Variants in RNF150 observed in about 807,000 individuals in gnomAD.
The protein encoded by RNF150 is ring finger protein 150.
Under a neutral mutation model 39.3 loss-of-function variants are expected in RNF150, and 24 were observed. That is an observed-to-expected ratio of 0.61 (90% CI 0.44 to 0.86). The LOEUF (loss-of-function observed/expected upper bound fraction) is 0.86, where lower values mean the gene tolerates loss of function less well. Among genes scored for constraint, RNF150 ranks in the 40% least tolerant of loss-of-function variants. The pLI, the probability that RNF150 is intolerant of heterozygous loss-of-function variation, is 0.00. For synonymous variants in RNF150, 255 were observed against 227.3 expected, an observed-to-expected ratio of 1.12 and a Z score of -1.10; for missense variants, 502 against 587.8, an observed-to-expected ratio of 0.85 and a Z score of 1.51.
chr4:141,027,734 A>G (rs1578646648), intron 1 of RNF150, among the ~76,000 whole-genome samples: 1 of 152,114 alleles, frequency 6.6e-6, no homozygotes, highest in Non-Finnish European at 1.5e-5. Flanking sequence ...GGGGAGGCCT[A>G]TATAAGACTT....
At chr4:141,189,299 G>T (rs1414183489) in intron 1 of RNF150, among the ~76,000 whole-genome samples, 1 of 152,186 alleles carries the variant, frequency 6.6e-6, no homozygotes, top group Non-Finnish European at 1.5e-5. Flanking sequence ...CCCTCCAGAA[G>T]CCAGCTGGAG....
intron 5 of RNF150, among the ~76,000 whole-genome samples, chr4:140,913,811 C>T (rs1730709782): frequency 6.6e-6 from 1 of 152,170 alleles, no homozygotes; most frequent in Non-Finnish European, 1.5e-5. Context: ...ATCTGAGTCT[C>T]AGATTTCTGC....
chr4:140,916,247 G>A (rs1330985893), intron 5 of RNF150, among the ~76,000 whole-genome samples: 8 of 152,228 alleles, frequency 5.3e-5, no homozygotes, highest in South Asian at 2.1e-4. Flanking sequence ...AAACTACTCT[G>A]AGCTAAAGAA....
At chr4:141,139,807 A>G (rs931480641) in intron 1 of RNF150, among the ~76,000 whole-genome samples, 1 of 152,232 alleles carries the variant, frequency 6.6e-6, no homozygotes, top group African/African-American at 2.4e-5. Flanking sequence ...GGTAGCAAGT[A>G]TAAGAGTGGG....
intron 1 of RNF150, among the ~76,000 whole-genome samples, chr4:140,998,102 GA>G (rs1734449973): frequency 1.3e-5 from 2 of 152,126 alleles, no homozygotes; most frequent in African/African-American, 4.8e-5. Context: ...TCCTTTAACT[GA>G]AATTGCTTCA....
At chr4:141,068,037 C>T (rs1737531830) in intron 1 of RNF150, among the ~76,000 whole-genome samples, 2 of 151,948 alleles carry the variant, frequency 1.3e-5, no homozygotes, top group South Asian at 4.2e-4. Context: ...CCTCTGCCTC[C>T]CAGGTTCAAG....
intron 1 of RNF150, among the ~76,000 whole-genome samples, chr4:141,088,416 G>A (rs11932194): frequency 6.6e-6 from 1 of 151,988 alleles, no homozygotes. Flanking sequence ...GAAAGAACCT[G>A]AACCTGTTTG....
chr4:140,961,831 T>C (rs1733037589), intron 2 of RNF150, among the ~76,000 whole-genome samples: 1 of 152,080 alleles, frequency 6.6e-6, no homozygotes, highest in South Asian at 2.1e-4. Flanking sequence ...TTCATACCAC[T>C]ACCTTTCAAT....
chr4:141,160,369 A>G, intron 1 of RNF150, among the ~76,000 whole-genome samples: 1 of 152,250 alleles, frequency 6.6e-6, no homozygotes, highest in Non-Finnish European at 1.5e-5. Flanking sequence ...TGGCAGGCTG[A>G]TAAATCTTAT....
In RNF150 at chr4:141,076,856, T is replaced by G. The variant is rs183015668; in HGVS notation, c.484+55469A>C. 2.0e-5 allele frequency among the ~76,000 whole-genome samples: 3 copies of G among 152,306 alleles called. No individual in the cohort carries two copies. In the East Asian group the frequency reaches 5.8e-4, roughly 29 times the overall value. Reference sequence around the variant, plus strand: ...TTTTAAAATATTTAATATATTCCTATGCTAGTGAAGGGCAGTTTCTCGCAT... The same window carrying G: ...TTTTAAAATATTTAATATATTCCTAGGCTAGTGAAGGGCAGTTTCTCGCAT... On this transcript the variant is annotated intron_variant, in intron 1 of 6. Coordinates refer to ENST00000515673, the MANE Select transcript of RNF150 (RefSeq NM_020724.2).
chr4:140,966,917 G>A (rs2111420878), intron 2 of RNF150, among the ~76,000 whole-genome samples: 1 of 152,280 alleles, frequency 6.6e-6, no homozygotes, highest in East Asian at 1.9e-4. Context: ...CCGTTAATAG[G>A]TGCTGGTTAA....
chr4:141,068,080 G>A (rs1737534039), intron 1 of RNF150, among the ~76,000 whole-genome samples: 1 of 151,882 alleles, frequency 6.6e-6, no homozygotes, highest in African/African-American at 2.4e-5. Context: ...TGAGTAGCTG[G>A]GACTCCAAGT....
At chr4:141,097,532 G>A (rs1394513226) in intron 1 of RNF150, among the ~76,000 whole-genome samples, 1 of 151,416 alleles carries the variant, frequency 6.6e-6, no homozygotes, top group African/African-American at 2.4e-5. Flanking sequence ...TCAAATAATG[G>A]TGGGCCTTAA....
chr4:141,067,827 C>A (rs1234470601), intron 1 of RNF150, among the ~76,000 whole-genome samples: 1 of 151,920 alleles, frequency 6.6e-6, no homozygotes, highest in African/African-American at 2.4e-5. Context: ...TCAAAAAGCC[C>A]AGAGAAGAAG....
chr4:140,955,716 T>C (rs533450747), intron 2 of RNF150, among the ~76,000 whole-genome samples: 2 of 152,330 alleles, frequency 1.3e-5, no homozygotes, highest in East Asian at 1.9e-4. Context: ...ACAATTTTAG[T>C]CCTCACTCTT....
chr4:141,036,284 G>T (rs1736144228), intron 1 of RNF150, among the ~76,000 whole-genome samples: 2 of 152,156 alleles, frequency 1.3e-5, no homozygotes, highest in African/African-American at 4.8e-5. Flanking sequence ...AAGATTTGTT[G>T]AATGGATAGG....
At position 140,891,946 on chromosome 4, in the gene RNF150, G is replaced by A. The variant is rs114929322; in HGVS notation, c.1198+19198C>T. ...ATGCCTGATGATCTGAGGTGGAACA[G>A]TTTCATCCCGAAAGCACCACCGTCC... On this transcript the variant is annotated intron_variant, in intron 6 of 6. Transcript: ENST00000515673. Among the ~76,000 whole-genome samples, 694 of 152,216 alleles carry A rather than the reference G, an allele frequency of 4.6e-3. 4 individuals are homozygous for A. Among genetic ancestry groups the A allele is most frequent in the African/African-American group, 0.016 (662 of 41,530 alleles).
intron 1 of RNF150, among the ~76,000 whole-genome samples, chr4:141,167,618 A>G (rs180974018): frequency 9.1e-4 from 139 of 152,200 alleles, no homozygotes; most frequent in African/African-American, 3.2e-3. Flanking sequence ...GAAGAGAACA[A>G]CAGCCTCAGA....
chr4:140,912,919 T>C (rs1730661120), intron 5 of RNF150, among the ~76,000 whole-genome samples: 2 of 149,484 alleles, frequency 1.3e-5, no homozygotes, highest in Admixed American at 6.7e-5. Flanking sequence ...TTACAATCTC[T>C]TCTCCAGTGT....
Sources: allele counts gnomAD v4.1 joint callset (sites outside exome capture counted in the v4.1 genomes callset), GRCh38; gene constraint gnomAD v4.1.1; transcripts MANE v1.5; gene names NCBI Gene and HGNC (gene_info 2026-07-23, HGNC 2026-07-21).